EPS8: variants seen among roughly 807,000 people sequenced by gnomAD.
EPS8 encodes the protein EGFR pathway substrate 8, signaling adaptor.
Under a neutral mutation model 103.8 loss-of-function variants are expected in EPS8, and 42 were observed. The ratio of observed to expected loss-of-function variants is 0.40; its 90% CI spans 0.32 to 0.52. The LOEUF is 0.52. Among genes scored for constraint, EPS8 ranks in the 20% least tolerant of loss-of-function variants. The pLI is 0.40. For missense variants in EPS8, 969 were observed against 1,005.1 expected, an observed-to-expected ratio of 0.96 and a Z score of 0.49; for synonymous variants, 344 against 344.6, an observed-to-expected ratio of 1.00 and a Z score of 0.02.
intron 3 of EPS8, among the ~76,000 whole-genome samples, chr12:15,676,321 G>A (rs1945906981): frequency 7.5e-6 from 1 of 132,784 alleles, no homozygotes; most frequent in Admixed American, 7.7e-5. Flanking sequence ...TATTCACTAA[G>A]AACATTTTTT....
At chr12:15,782,784 T>C (rs1267144324) in intron 1 of EPS8, among the ~76,000 whole-genome samples, 2 of 152,206 alleles carry the variant, frequency 1.3e-5, no homozygotes, top group African/African-American at 4.8e-5. Flanking sequence ...CAATTAACTG[T>C]AGTACATACT....
rs1945786271 is a variant in EPS8, at chr12:15,669,915, C to A, written c.205-90G>T. ...CATTTTCCAAAAGAAAATCAAATAA[C>A]CTGAGGTCAGCTAGCAGAGAACGAC... On this transcript the variant is annotated intron_variant, in intron 4 of 20. Transcript: ENST00000281172. The A allele has an allele frequency of 1.2e-5, 11 of 939,280 alleles. No individual in the cohort carries two copies. The East Asian group carries it at 3.0e-4, about 26-fold the overall frequency. The allele number at this position is 939,280 out of a possible 1,614,324, so 58.2% of individuals were successfully genotyped here.
rs1311908852 is a variant in EPS8, at chr12:15,621,388, G to A, written c.2398C>T (p.Arg800Ter). The A allele has an allele frequency of 6.2e-7, 1 of 1,603,932 alleles. No individual in the cohort carries two copies. Among genetic ancestry groups the A allele is most frequent in the African/African-American group, 1.3e-5 (1 of 74,224 alleles). ...SSELQEIMRR[R>*]QEKISAAASD... The stretch of plus-strand genomic sequence containing the variant: ...GCGGCAGCACTGATTTTTTCCTGTC[G>A]TCTTCTCATAATTTCTTGTAACTCG... The change falls in exon 21 of 21, where the codon CGA becomes TGA. Residue 800 changes from arginine (R) to a stop codon, truncating the protein, a stop_gained. Transcript: ENST00000281172. LOFTEE classifies it high-confidence loss of function.
chr12:15,766,208 T>G (rs991256138), intron 1 of EPS8, among the ~76,000 whole-genome samples: 6 of 151,286 alleles, frequency 4.0e-5, no homozygotes, highest in Non-Finnish European at 8.8e-5. Flanking sequence ...CCTGGCGCAG[T>G]GGCTCACACC....
intron 1 of EPS8, among the ~76,000 whole-genome samples, chr12:15,712,110 G>T (rs1174963028): frequency 6.6e-6 from 1 of 152,054 alleles, no homozygotes; most frequent in African/African-American, 2.4e-5. Context: ...TTACATGTTT[G>T]TCACTAACTC....
At chr12:15,753,440 G>A (rs375490156) in intron 1 of EPS8, among the ~76,000 whole-genome samples, 28 of 152,030 alleles carry the variant, frequency 1.8e-4, no homozygotes, top group Admixed American at 7.2e-4. Context: ...TGGACAAATC[G>A]TAAGACCTGT....
intron 1 of EPS8, among the ~76,000 whole-genome samples, chr12:15,773,055 A>G (rs1947170523): frequency 6.6e-6 from 1 of 152,186 alleles, no homozygotes. Context: ...AGAGGAAACC[A>G]TAGACATTAA....
At chr12:15,623,056 C>A in intron 20 of EPS8, 102 bp downstream of exon 20, 1 of 1,130,592 alleles carries the variant, frequency 8.8e-7, no homozygotes, top group Non-Finnish European at 1.2e-6. Context: ...AAATTTAATT[C>A]AGCTCTGTTA....
chr12:15,699,799 T>C (rs1356345147), intron 1 of EPS8, among the ~76,000 whole-genome samples: 1 of 152,208 alleles, frequency 6.6e-6, no homozygotes, highest in Admixed American at 6.5e-5. Flanking sequence ...AAATGCCCTT[T>C]CCACTACTTT....
chr12:15,708,038 C>T (rs538944120), intron 1 of EPS8, among the ~76,000 whole-genome samples: 2 of 152,236 alleles, frequency 1.3e-5, no homozygotes, highest in East Asian at 1.9e-4. Flanking sequence ...CCCTGAGTAG[C>T]GTTGTTTCCT....
At chr12:15,715,809 A>C (rs562661151) in intron 1 of EPS8, among the ~76,000 whole-genome samples, 2 of 151,980 alleles carry the variant, frequency 1.3e-5, no homozygotes, top group East Asian at 3.9e-4. Context: ...CTTTCTAATA[A>C]ACTTTCCCGA....
chr12:15,769,149 G>C lies in EPS8; in HGVS notation c.-22+20012C>G, dbSNP rs1228594680. On this transcript the variant is annotated intron_variant, in intron 1 of 20. Coordinates refer to ENST00000281172, the MANE Select transcript of EPS8 (RefSeq NM_004447.6). This position sits in a 1 kb window ranked among gnomAD's most constrained non-coding sequence, Gnocchi z 4.6. Reference sequence around the variant, plus strand: ...TCTCACTTTATGTTCCATTAACCAGGATCACATGAACTAACCTGAAAGAAA... The same window carrying C: ...TCTCACTTTATGTTCCATTAACCAGCATCACATGAACTAACCTGAAAGAAA... Among the ~76,000 whole-genome samples the C allele has an allele frequency of 2.0e-5, 3 of 151,858 alleles. No homozygotes were observed. The highest frequency in any genetic ancestry group is 7.3e-5 in the African/African-American group (3 of 41,314).
In EPS8 at chr12:15,757,683, G is replaced by A. The variant is rs1947001778; in HGVS notation, c.-22+31478C>T. ...AAGATGAAGTGGCCACCACTTAAGT[G>A]ATCAAGCCTCATCAGTAACAAGTCA... On this transcript the variant is annotated intron_variant, in intron 1 of 20. Transcript: ENST00000281172. This position sits in a 1 kb window ranked among gnomAD's most constrained non-coding sequence, Gnocchi z 4.1. Among the ~76,000 whole-genome samples, 1 of 152,052 alleles carries A rather than the reference G, an allele frequency of 6.6e-6. No individual in the cohort carries two copies. Among genetic ancestry groups the A allele is most frequent in the African/African-American group, 2.4e-5 (1 of 41,406 alleles).
chr12:15,754,216 G>C (rs1946961932), intron 1 of EPS8, among the ~76,000 whole-genome samples: 1 of 149,920 alleles, frequency 6.7e-6, no homozygotes, highest in African/African-American at 2.5e-5. Context: ...CCTCAATTAA[G>C]ACACTTGTTC....
chr12:15,665,895 T>C lies in EPS8; in HGVS notation c.600-3A>G, dbSNP rs1565488570. The C allele has an allele frequency of 6.2e-7, 1 of 1,613,122 alleles. No individual in the cohort carries two copies. On this transcript the variant is annotated splice_region_variant and splice_polypyrimidine_tract_variant and intron_variant, in intron 7 of 20. Transcript: ENST00000281172. ...TAGGGTCTGCATTGGAAATCATCCTTAAAAAGATGAAAACAAATAGAATTT... is the reference window on the plus strand; with the variant it reads ...TAGGGTCTGCATTGGAAATCATCCTCAAAAAGATGAAAACAAATAGAATTT...
rs929749830 is a variant in EPS8 at position 15,761,758 on chromosome 12, A to G, written c.-22+27403T>C. On this transcript the variant is annotated intron_variant, in intron 1 of 20. Coordinates refer to ENST00000281172, the MANE Select transcript of EPS8 (RefSeq NM_004447.6). The surrounding 1 kb of genome is among the most constrained non-coding windows in gnomAD (Gnocchi z 4.5). Reference sequence around the variant, plus strand: ...TCCAGAAGAAGGAAACTAGACCCCTATCTCTCGCCACATCCAAAAATCAAA... The same window carrying G: ...TCCAGAAGAAGGAAACTAGACCCCTGTCTCTCGCCACATCCAAAAATCAAA... Among the ~76,000 whole-genome samples, 3 of 152,128 alleles carry G rather than the reference A, an allele frequency of 2.0e-5. No individual in the cohort carries two copies. Among genetic ancestry groups the G allele is most frequent in the African/African-American group, 4.8e-5 (2 of 41,438 alleles).
At chr12:15,647,372 T>C (rs1235392563) in intron 14 of EPS8, 112 bp from the exon 15 acceptor site, 1 of 908,092 alleles carries the variant, frequency 1.1e-6, no homozygotes, top group Non-Finnish European at 1.6e-6. Flanking sequence ...CATTTTCAAG[T>C]GACTGACCAT....
Position 15,713,094 on chromosome 12 carries a change from C to T in EPS8, c.-21-30122G>A. On this transcript the variant is annotated intron_variant, in intron 1 of 20. Coordinates refer to ENST00000281172, the MANE Select transcript of EPS8 (RefSeq NM_004447.6). This position sits in a 1 kb window ranked among gnomAD's most constrained non-coding sequence, Gnocchi z 4.8. ...AACACAGCTACCACTACACTTCCAA[C>T]TCTTGCCTAAGATGATTTTTTTTTT... 1 of 589,088 alleles carries T rather than the reference C, an allele frequency of 1.7e-6. No individual in the cohort carries two copies. The highest frequency in any genetic ancestry group is 2.1e-6 in the Non-Finnish European group (1 of 467,904). 36.5% of individuals were successfully genotyped at this position (589,088 alleles called of 1,614,324 possible).
chr12:15,632,853 C>T (rs1432151144), intron 17 of EPS8, among the ~76,000 whole-genome samples: 1 of 152,148 alleles, frequency 6.6e-6, no homozygotes, highest in African/African-American at 2.4e-5. Flanking sequence ...AAATGACTAA[C>T]ACCTGTGGAA....
Sources: gnomAD v4.1 joint callset for allele counts (sites outside exome capture counted in the v4.1 genomes callset) on GRCh38, gnomAD v4.1.1 for gene constraint, Gnocchi (gnomAD v3.1) non-coding constraint, MANE v1.5 for transcripts, NCBI Gene and HGNC (gene_info 2026-07-23, HGNC 2026-07-21) for gene names.